Variants in SLC37A1 observed in about 807,000 individuals in gnomAD.
SLC37A1 encodes the protein glucose-6-phosphate exchanger SLC37A1.
A neutral mutation model predicts 75.3 loss-of-function variants in SLC37A1; 49 were observed. The observed-to-expected ratio is 0.65, with a 90% CI of 0.52 to 0.83. The LOEUF (loss-of-function observed/expected upper bound fraction) is 0.83. SLC37A1 is among the 40% of genes least tolerant of loss of function. The pLI is 0.00. For missense variants in SLC37A1, 566 were observed against 695.0 expected (o/e 0.81, Z 2.09); for synonymous variants, 268 against 292.1 (o/e 0.92, Z 0.84).
At chr21:42,529,452 A>G (rs1180681717) in intron 3 of SLC37A1, among the ~76,000 whole-genome samples, 2 of 151,998 alleles carry the variant, frequency 1.3e-5, no homozygotes, top group East Asian at 3.9e-4. Context: ...TACTTGGGAG[A>G]CTGACGCATG....
At chr21:42,516,412 G>A (rs1443683072) in intron 1 of SLC37A1, among the ~76,000 whole-genome samples, 3 of 152,152 alleles carry the variant, frequency 2.0e-5, no homozygotes, top group Non-Finnish European at 4.4e-5. Context: ...GGGTGGTCAC[G>A]GGGCTCAAAT....
At chr21:42,540,294 G>C (rs2055244233) in intron 6 of SLC37A1, among the ~76,000 whole-genome samples, 1 of 152,222 alleles carries the variant, frequency 6.6e-6, no homozygotes, top group African/African-American at 2.4e-5. Context: ...CAGGGCCAGG[G>C]TTAGTTTCTT....
At chr21:42,549,472 A>C (rs2055503237) in intron 9 of SLC37A1, among the ~76,000 whole-genome samples, 1 of 152,242 alleles carries the variant, frequency 6.6e-6, no homozygotes, top group Non-Finnish European at 1.5e-5. Flanking sequence ...GCCCTGAGGC[A>C]GGTGGTCCAG....
intron 1 of SLC37A1, among the ~76,000 whole-genome samples, chr21:42,500,117 T>C (rs1470607745): frequency 1.3e-5 from 2 of 152,234 alleles, no homozygotes; most frequent in Non-Finnish European, 2.9e-5. Flanking sequence ...GATTTTTTTT[T>C]TGTAGGCACT....
At chr21:42,511,210 A>G (rs768280620), upstream of SLC37A1, among the ~76,000 whole-genome samples, 6 of 152,244 alleles carry the variant, frequency 3.9e-5, no homozygotes, top group Non-Finnish European at 7.3e-5. Context: ...ACAAATATGC[A>G]GAAATTAAAT....
chr21:42,510,939 C>A (rs2054427410), upstream of SLC37A1, among the ~76,000 whole-genome samples: 1 of 152,132 alleles, frequency 6.6e-6, no homozygotes, highest in African/African-American at 2.4e-5. Flanking sequence ...AATAGATGAT[C>A]CAGACAGAAG....
intron 2 of SLC37A1, among the ~76,000 whole-genome samples, chr21:42,525,369 G>A (rs374286703): frequency 1.6e-4 from 24 of 152,350 alleles, no homozygotes; most frequent in African/African-American, 5.3e-4. Context: ...GGGCAGCCTC[G>A]GCCGGAGCCC....
rs2055382910 is a variant in SLC37A1 at position 42,545,415 on chromosome 21, C to T, written c.731-1688C>T. Reference sequence around the variant, plus strand: ...TGCCCCTTGGTTTGTTTCTGCCCCTCCTTGTCCCGAATCACTGATCCTGGG... The same window carrying T: ...TGCCCCTTGGTTTGTTTCTGCCCCTTCTTGTCCCGAATCACTGATCCTGGG... On this transcript the variant is annotated intron_variant, in intron 8 of 19. Coordinates refer to ENST00000352133, the MANE Select transcript of SLC37A1 (RefSeq NM_001320537.2). This position sits in a 1 kb window ranked among gnomAD's most constrained non-coding sequence, Gnocchi z 4.0. Among the ~76,000 whole-genome samples the T allele has an allele frequency of 1.3e-5, 2 of 150,854 alleles. No homozygotes were observed. Among genetic ancestry groups the T allele is most frequent in the East Asian group, 3.9e-4 (2 of 5,182 alleles).
intron 18 of SLC37A1, chr21:42,575,186 C>T: frequency 1.0e-6 from 1 of 983,874 alleles, no homozygotes; most frequent in Non-Finnish European, 1.2e-6. Flanking sequence ...TCCTGCCTGT[C>T]ACCTGTCATG....
Position 42,525,791 on chromosome 21 carries a change from T to G in SLC37A1, c.72T>G (p.Ile24Met), listed in dbSNP as rs1218708160. Residue 24 changes from isoleucine to methionine, a missense_variant, in exon 3 of 20, where the codon ATT (isoleucine) becomes ATG (methionine). Ile to Met is a conservative substitution (Grantham distance 10). Transcript: ENST00000352133. ...TGTGTTTCAGGTACAGAGCCTTCAT[T>G]TTTATTTTGACATTTCTGCTGTATG... Reference protein sequence around the residue: ...FSRDQWYRAFIFILTFLLYAS... With the variant: ...FSRDQWYRAFMFILTFLLYAS... 3 of 1,614,026 alleles carry G rather than the reference T, an allele frequency of 1.9e-6. No individual in the cohort carries two copies. Among genetic ancestry groups the G allele is most frequent in the East Asian group, 4.5e-5 (2 of 44,884 alleles).
chr21:42,533,446 G>T (rs1438002156), intron 3 of SLC37A1, among the ~76,000 whole-genome samples: 1 of 152,190 alleles, frequency 6.6e-6, no homozygotes, highest in African/African-American at 2.4e-5. Flanking sequence ...CACAGTCACA[G>T]AGCACATTCT....
chr21:42,568,014 G>A (rs1011190342), intron 16 of SLC37A1, among the ~76,000 whole-genome samples: 2 of 152,266 alleles, frequency 1.3e-5, no homozygotes, highest in Admixed American at 6.5e-5. Flanking sequence ...AAGGAAGGCC[G>A]GCGCAGCTCA....
At chr21:42,554,260 T>A (rs996753547) in intron 10 of SLC37A1, 118 bp downstream of exon 10, 4 of 865,796 alleles carry the variant, frequency 4.6e-6, no homozygotes, top group Non-Finnish European at 3.5e-6. Context: ...ATCCAGGTCT[T>A]AAAAAAATTC....
intron 5 of SLC37A1, among the ~76,000 whole-genome samples, chr21:42,538,564 A>G (rs189132798): frequency 2.6e-5 from 4 of 152,340 alleles, no homozygotes; most frequent in Admixed American, 2.0e-4. Context: ...AGTGAGACCC[A>G]TAGAGTCTCT....
rs2147084638 is a variant in SLC37A1 at position 42,580,457 on chromosome 21, C to T, written c.*97C>T. ...AAAGGGCCCTGCATGGAAAGAGTGA[C>T]CTCCCTTTGCCTTTTGCACACGCAC... On this transcript the variant is annotated 3_prime_UTR_variant, in exon 20 of 20. Transcript: ENST00000352133. The T allele has an allele frequency of 2.2e-6, 3 of 1,358,070 alleles. No homozygotes were observed. Among genetic ancestry groups the T allele is most frequent in the Non-Finnish European group, 3.0e-6 (3 of 991,402 alleles). 84.1% of individuals were successfully genotyped at this position (1,358,070 alleles called of 1,614,324 possible).
chr21:42,580,586 C>T lies in SLC37A1; in HGVS notation c.*226C>T, dbSNP rs140609760. 504 of 575,222 alleles carry T rather than the reference C, an allele frequency of 8.8e-4. 1 individual carries two copies. Among genetic ancestry groups the T allele is most frequent in the African/African-American group, 8.5e-3 (444 of 52,156 alleles). 35.6% of individuals were successfully genotyped at this position (575,222 alleles called of 1,614,324 possible). On this transcript the variant is annotated 3_prime_UTR_variant, in exon 20 of 20. Coordinates refer to ENST00000352133, the MANE Select transcript of SLC37A1 (RefSeq NM_001320537.2). ...AAGTCTGCAGGAACTGCTGCCTGAG[C>T]CAAGCCAGAGAACCGAAGACCCGGC...
At position 42,567,052 on chromosome 21, in the gene SLC37A1, C is replaced by T; in HGVS notation, c.1338C>T (p.Ala446=). The change falls in exon 16 of 20, where the codon GCC becomes GCT. Residue 446 remains alanine (A), a synonymous_variant. Transcript: ENST00000352133. Reference sequence around the variant, plus strand: ...CACTCATCACCACCGCCGTCTCCGCCGACCTGGTGAGTAGAACCGGGAGAG... The same window carrying T: ...CACTCATCACCACCGCCGTCTCCGCTGACCTGGTGAGTAGAACCGGGAGAG... ...PYTLITTAVS[A]DLGTHKSLKG... The T allele has an allele frequency of 1.9e-6, 3 of 1,609,350 alleles. No homozygotes were observed. Among genetic ancestry groups the T allele is most frequent in the Non-Finnish European group, 2.5e-6 (3 of 1,179,862 alleles).
intron 2 of SLC37A1, among the ~76,000 whole-genome samples, chr21:42,506,258 T>C (rs2054383233): frequency 1.3e-5 from 2 of 152,230 alleles, no homozygotes; most frequent in South Asian, 4.1e-4. Flanking sequence ...TAACTTTGTG[T>C]CAAATAATCA....
At position 42,559,229 on chromosome 21, in the gene SLC37A1, G is replaced by T. The variant is rs2055765485; in HGVS notation, c.981+140G>T. The T allele has an allele frequency of 5.9e-6, 6 of 1,015,474 alleles. No homozygotes were observed. The South Asian group carries it at 8.6e-5, about 15-fold the overall frequency. The allele number at this position is 1,015,474 out of a possible 1,614,324, so 62.9% of individuals were successfully genotyped here. Reference sequence around the variant, plus strand: ...TTCGAATCCATAGCCAAAGCTAGACGCTGCACAGTGCTAGCTTCAGGACTG... The same window carrying T: ...TTCGAATCCATAGCCAAAGCTAGACTCTGCACAGTGCTAGCTTCAGGACTG... On this transcript the variant is annotated intron_variant, in intron 11 of 19. Transcript: ENST00000352133.
Sources: gnomAD v4.1 joint callset for allele counts (sites outside exome capture counted in the v4.1 genomes callset) on GRCh38, gnomAD v4.1.1 for gene constraint, Gnocchi (gnomAD v3.1) non-coding constraint, MANE v1.5 for transcripts, NCBI Gene and HGNC (gene_info 2026-07-23, HGNC 2026-07-21) for gene names.